Variants in MAP3K13 observed in about 807,000 individuals in gnomAD.
MAP3K13 encodes leucine zipper-bearing kinase.
A neutral mutation model predicts 104.0 loss-of-function variants in MAP3K13; 52 were observed. The ratio of observed to expected loss-of-function variants is 0.50; its 90% confidence interval spans 0.40 to 0.63. The LOEUF is 0.63. MAP3K13 is among the 20% of genes least tolerant of loss of function. MAP3K13 has a pLI of 0.00. For synonymous variants in MAP3K13, 394 were observed against 442.2 expected, an observed-to-expected ratio of 0.89 and a Z score of 1.37; for missense variants, 914 against 1,218.5, an observed-to-expected ratio of 0.75 and a Z score of 3.72.
At chr3:185,477,628 A>G (rs1485934741) in intron 12 of MAP3K13, among the ~76,000 whole-genome samples, 1 of 152,206 alleles carries the variant, frequency 6.6e-6, no homozygotes, top group Non-Finnish European at 1.5e-5. Flanking sequence ...AGGAGCATGA[A>G]TACAGATTCA....
intron 2 of MAP3K13, among the ~76,000 whole-genome samples, chr3:185,319,814 CT>C (rs1300837356): frequency 6.6e-6 from 1 of 152,176 alleles, no homozygotes; most frequent in Non-Finnish European, 1.5e-5. Flanking sequence ...TTCAGATTTG[CT>C]TTCTCGAAAC....
intron 2 of MAP3K13, among the ~76,000 whole-genome samples, chr3:185,335,975 C>G (rs990713006): frequency 1.3e-5 from 2 of 152,062 alleles, no homozygotes; most frequent in Non-Finnish European, 2.9e-5. Context: ...GGGCTGTAGA[C>G]TGACAGTCTT....
chr3:185,451,279 A>T lies in MAP3K13; in HGVS notation c.1170-8A>T. On this transcript the variant is annotated splice_polypyrimidine_tract_variant and splice_region_variant and intron_variant, in intron 6 of 13. Transcript: ENST00000265026. Reference sequence around the variant, plus strand: ...CTGAAATGCACAAACTGTCTTTTTCACTTTTAGGCAGAGTAAACCTCGAAA... The same window carrying T: ...CTGAAATGCACAAACTGTCTTTTTCTCTTTTAGGCAGAGTAAACCTCGAAA... 1.3e-6 allele frequency: 2 copies of T among 1,587,654 alleles called. No individual in the cohort carries two copies. The highest frequency in any genetic ancestry group is 2.3e-5 in the South Asian group (2 of 87,566).
chr3:185,459,980 G>T (rs956734445), intron 7 of MAP3K13, among the ~76,000 whole-genome samples: 7 of 152,072 alleles, frequency 4.6e-5, no homozygotes, highest in Admixed American at 3.9e-4. Flanking sequence ...TTGTTCGTTT[G>T]TGCCTGGCTT....
At position 185,363,181 on chromosome 3, in the gene MAP3K13, C is replaced by T. The variant is rs1723716044; in HGVS notation, c.-273C>T. ...GTCTGTGCGGAATCCTAAACCAGCCCAATTTACATCCATTCATGAATCTGT... is the reference window on the plus strand; with the variant it reads ...GTCTGTGCGGAATCCTAAACCAGCCTAATTTACATCCATTCATGAATCTGT... On this transcript the variant is annotated 5_prime_UTR_variant, in exon 1 of 14. The change creates a premature stop within an existing upstream ORF in the 5' untranslated region. Coordinates refer to ENST00000265026, the MANE Select transcript of MAP3K13 (RefSeq NM_004721.5). 1 of 985,170 alleles carries T rather than the reference C, an allele frequency of 1.0e-6. No individual in the cohort carries two copies. The highest frequency in any genetic ancestry group is 4.7e-5 in the South Asian group (1 of 21,284). 61.0% of individuals were successfully genotyped at this position (985,170 alleles called of 1,614,324 possible).
At chr3:185,321,186 CAT>C (rs1436141773) in intron 2 of MAP3K13, among the ~76,000 whole-genome samples, 1 of 149,572 alleles carries the variant, frequency 6.7e-6, no homozygotes, top group Non-Finnish European at 1.5e-5. Context: ...CACATATACA[CAT>C]GTGTATATTA....
intron 2 of MAP3K13, among the ~76,000 whole-genome samples, chr3:185,354,921 G>A (rs1391455054): frequency 2.0e-5 from 3 of 152,072 alleles, no homozygotes; most frequent in Non-Finnish European, 2.9e-5. Flanking sequence ...ACAGGTAATG[G>A]ATAGAATTTA....
At chr3:185,283,631 C>T (rs957306785) in intron 1 of MAP3K13, among the ~76,000 whole-genome samples, 1 of 152,078 alleles carries the variant, frequency 6.6e-6, no homozygotes, top group South Asian at 2.1e-4. Context: ...GCAGGAGATA[C>T]CCAGTACATT....
At chr3:185,425,315 T>C (rs187169089) in intron 1 of MAP3K13, among the ~76,000 whole-genome samples, 87 of 152,358 alleles carry the variant, frequency 5.7e-4, no homozygotes, top group African/African-American at 2.0e-3. Context: ...CTTTCTGGCA[T>C]TTCATATCTC....
At chr3:185,465,147 T>A (rs141509639) in intron 8 of MAP3K13, among the ~76,000 whole-genome samples, 145 of 152,274 alleles carry the variant, frequency 9.5e-4, no homozygotes, top group Non-Finnish European at 1.7e-3. Flanking sequence ...CGGGCTAATT[T>A]TTGTATTTTT....
intron 1 of MAP3K13, among the ~76,000 whole-genome samples, chr3:185,390,060 C>A (rs1303578063): frequency 1.3e-5 from 2 of 152,082 alleles, no homozygotes; most frequent in Non-Finnish European, 2.9e-5. Flanking sequence ...CCACTGTCTA[C>A]TTGTGAGAGA....
At chr3:185,383,013 C>T (rs1183019044) in intron 1 of MAP3K13, among the ~76,000 whole-genome samples, 1 of 134,806 alleles carries the variant, frequency 7.4e-6, no homozygotes, top group East Asian at 2.5e-4. Context: ...CCTCCCCCCT[C>T]CCCCCAACCC....
intron 2 of MAP3K13, among the ~76,000 whole-genome samples, chr3:185,294,038 C>G (rs1373967400): frequency 6.6e-6 from 1 of 152,018 alleles, no homozygotes; most frequent in Non-Finnish European, 1.5e-5. Context: ...TCTTTCTGGC[C>G]TAATGGCAAA....
intron 2 of MAP3K13, among the ~76,000 whole-genome samples, chr3:185,322,594 A>G (rs1721905241): frequency 6.6e-6 from 1 of 152,166 alleles, no homozygotes; most frequent in Admixed American, 6.5e-5. Context: ...TTTCTCAGTT[A>G]TCTCAGTTCT....
chr3:185,421,560 C>T (rs1714132983), intron 1 of MAP3K13, among the ~76,000 whole-genome samples: 1 of 152,170 alleles, frequency 6.6e-6, no homozygotes, highest in African/African-American at 2.4e-5. Context: ...CTCCAATGTT[C>T]CTTGTCTTTT....
chr3:185,444,312 G>A (rs1325606343), intron 4 of MAP3K13, among the ~76,000 whole-genome samples: 1 of 151,010 alleles, frequency 6.6e-6, no homozygotes, highest in African/African-American at 2.4e-5. Flanking sequence ...CTCCAGCCTG[G>A]GTGACAGAGC....
At chr3:185,417,660 G>A (rs13099317) in intron 1 of MAP3K13, 1,043,774 of 1,611,464 alleles carry the variant, frequency 0.65, 343,436 homozygotes, top group Non-Finnish European at 0.68. Context: ...CAGGCTTCTT[G>A]CCTGCAACCG....
intron 1 of MAP3K13, among the ~76,000 whole-genome samples, chr3:185,373,542 C>T (rs9814742): frequency 0.72 from 109,519 of 151,592 alleles, 42,019 homozygotes; most frequent in Non-Finnish European, 0.86. Context: ...CTCAAGAGGC[C>T]GAGGCACTAG....
intron 2 of MAP3K13, among the ~76,000 whole-genome samples, chr3:185,354,612 G>A (rs1028547643): frequency 2.0e-5 from 3 of 151,554 alleles, no homozygotes; most frequent in South Asian, 2.1e-4. Context: ...TAAGTATGGG[G>A]GGGGGGCAGG....
Sources: gnomAD v4.1 joint callset for allele counts (sites outside exome capture counted in the v4.1 genomes callset) on GRCh38, gnomAD v4.1.1 for gene constraint, MANE v1.5 for transcripts, NCBI Gene and HGNC (gene_info 2026-07-23, HGNC 2026-07-21) for gene names.